Variants in GALNT14 observed in about 807,000 individuals in gnomAD.
The protein encoded by GALNT14 is polypeptide N-acetylgalactosaminyltransferase 14.
GALNT14 carries 60 observed loss-of-function variants against 77.5 expected under a neutral mutation model. The ratio of observed to expected loss-of-function variants is 0.77; its 90% confidence interval spans 0.63 to 0.96. The LOEUF is 0.96. Ranked by LOEUF, GALNT14 falls within the 40% of genes least tolerant of loss-of-function variation. The pLI is 0.00. For missense variants in GALNT14, 710 were observed against 731.0 expected (o/e 0.97, Z 0.33); for synonymous variants, 280 against 281.7 (o/e 0.99, Z 0.06).
Position 30,944,897 on chromosome 2 carries a change from T to C in GALNT14, c.788A>G (p.Glu263Gly). ...LHFQWEQLSP[E>G]QKARRLDPTE... Reference sequence around the variant, plus strand: ...GGGGTCCAGGCGCCGAGCCTTCTGCTCTGGGGAGAGCTGCTCCCACTGGAA... The same window carrying C: ...GGGGTCCAGGCGCCGAGCCTTCTGCCCTGGGGAGAGCTGCTCCCACTGGAA... Residue 263 changes from glutamate (E) to glycine (G), a missense_variant, in exon 8 of 15, where the codon GAG (glutamate) becomes GGG (glycine). Physicochemically the swap from Glu to Gly is moderately conservative, Grantham distance 98. Coordinates refer to ENST00000349752, the MANE Select transcript of GALNT14 (RefSeq NM_024572.4). 5.6e-6 allele frequency: 9 copies of C among 1,611,346 alleles called. No homozygotes were observed. Among genetic ancestry groups the C allele is most frequent in the Non-Finnish European group, 7.6e-6 (9 of 1,178,142 alleles).
intron 13 of GALNT14, among the ~76,000 whole-genome samples, chr2:30,915,982 T>C (rs999804695): frequency 1.1e-4 from 16 of 152,192 alleles, no homozygotes; most frequent in African/African-American, 3.1e-4. Flanking sequence ...ACAAGTTTTA[T>C]CAGGGGTCTG....
chr2:30,949,296 T>A (rs1035881627), intron 6 of GALNT14, among the ~76,000 whole-genome samples: 12 of 152,066 alleles, frequency 7.9e-5, no homozygotes, highest in South Asian at 2.1e-4. Flanking sequence ...TCTAAGGACA[T>A]TGTGTCAGTG....
intron 1 of GALNT14, among the ~76,000 whole-genome samples, chr2:30,998,992 C>G (rs73923346): frequency 0.032 from 4,808 of 152,308 alleles, 234 homozygotes; most frequent in African/African-American, 0.11. Flanking sequence ...GCTGAGAAAC[C>G]CTTCTCCTCC....
chr2:30,919,865 T>TA (rs922873770), intron 13 of GALNT14, among the ~76,000 whole-genome samples: 3 of 152,188 alleles, frequency 2.0e-5, no homozygotes, highest in African/African-American at 7.2e-5. Context: ...GAGCCTCCAT[T>TA]CATGCTCTTG....
chr2:30,912,269 C>T lies in GALNT14; in HGVS notation c.1454G>A (p.Gly485Asp). The T allele has an allele frequency of 6.2e-7, 1 of 1,614,174 alleles. No individual in the cohort carries two copies. The highest frequency in any genetic ancestry group is 8.5e-7 in the Non-Finnish European group (1 of 1,180,028). The change falls in exon 14 of 15, where the codon GGC becomes GAC. Residue 485 changes from glycine to aspartate, a missense_variant. Transcript: ENST00000349752. ...GCAAAGGACAAGAACCACTGGGGCG[C>T]CAGGGAACAAGGTGATGACTGACAG... ...LCLSVITLFPGAPVVLVLCKN... is the reference protein window; with the variant it reads ...LCLSVITLFPDAPVVLVLCKN...
rs747772932 is a variant in GALNT14 at position 31,137,938 on chromosome 2, C to A, written c.129+20G>T. 1.9e-6 allele frequency: 3 copies of A among 1,600,346 alleles called. No homozygotes were observed. The Admixed American group carries it at 5.2e-5, about 28-fold the overall frequency. On this transcript the variant is annotated intron_variant, in intron 1 of 14. Coordinates refer to ENST00000349752, the MANE Select transcript of GALNT14 (RefSeq NM_024572.4). ...CCCGCAAGCCACCGCTCAGCGCCAG[C>A]GCGCCGGCAAGCCGCCTACCTTAGG...
chr2:31,048,413 C>T (rs1168759719), intron 1 of GALNT14, among the ~76,000 whole-genome samples: 1 of 152,196 alleles, frequency 6.6e-6, no homozygotes, highest in Non-Finnish European at 1.5e-5. Flanking sequence ...AAAAGGAAGA[C>T]AGGGCTCTAC....
intron 1 of GALNT14, among the ~76,000 whole-genome samples, chr2:31,007,190 C>A (rs934532846): frequency 2.6e-5 from 4 of 152,170 alleles, no homozygotes; most frequent in Non-Finnish European, 4.4e-5. Flanking sequence ...ATGGCTGCCT[C>A]AACCAAGGGC....
At chr2:30,945,139 C>G (rs558554022) in intron 7 of GALNT14, among the ~76,000 whole-genome samples, 197 bp from the exon 8 acceptor site, 28 of 152,222 alleles carry the variant, frequency 1.8e-4, no homozygotes, top group Non-Finnish European at 3.1e-4. Flanking sequence ...CCTGTTCTTC[C>G]TCTACCCACT....
intron 1 of GALNT14, among the ~76,000 whole-genome samples, chr2:31,026,275 G>C (rs1449348918): frequency 6.6e-6 from 1 of 152,210 alleles, no homozygotes; most frequent in Non-Finnish European, 1.5e-5. Context: ...CCAAGTCTCT[G>C]AGGCCTTGTA....
the GALNT14 span, among the ~76,000 whole-genome samples, chr2:30,886,871 C>T: frequency 6.6e-6 from 1 of 152,152 alleles, no homozygotes; most frequent in African/African-American, 2.4e-5. Flanking sequence ...TTTCATCACC[C>T]CCAGAGAAAA....
chr2:31,086,291 A>G (rs1296644417), intron 1 of GALNT14, among the ~76,000 whole-genome samples: 1 of 152,160 alleles, frequency 6.6e-6, no homozygotes, highest in East Asian at 1.9e-4. Context: ...CTTTAATTAC[A>G]CAAGTCAGCA....
chr2:30,941,006 A>T (rs566436961), intron 9 of GALNT14, among the ~76,000 whole-genome samples: 14 of 152,326 alleles, frequency 9.2e-5, no homozygotes, highest in Admixed American at 2.6e-4. Context: ...AATTTCCAGG[A>T]AATAACTCTT....
At chr2:31,137,369 T>C (rs1471058820) in intron 1 of GALNT14, among the ~76,000 whole-genome samples, 2 of 152,228 alleles carry the variant, frequency 1.3e-5, no homozygotes, top group Non-Finnish European at 2.9e-5. Context: ...CGTCTGTTTT[T>C]ACAGGCTCTT....
intron 1 of GALNT14, among the ~76,000 whole-genome samples, chr2:31,011,275 G>A (rs1210764906): frequency 6.6e-6 from 1 of 152,188 alleles, no homozygotes; most frequent in African/African-American, 2.4e-5. Flanking sequence ...TCTGTGCCAG[G>A]CATACTTTTA....
chr2:30,929,433 G>A lies in GALNT14; in HGVS notation c.1113C>T (p.Tyr371=), dbSNP rs147474295. Residue 371 remains tyrosine (Y), a synonymous_variant, in exon 11 of 15, where the codon TAC becomes TAT. Transcript: ENST00000349752. ...TCTCCAGGGCGAATGGCCGGGCAGC[G>A]TAATAGTATTGCTTGTATTCATCCA... The part of the protein sequence containing the change: ...VWMDEYKQYY[Y]AARPFALERP... 70 of 1,614,144 alleles carry A rather than the reference G, an allele frequency of 4.3e-5. 1 individual carries two copies. Among genetic ancestry groups the A allele is most frequent in the East Asian group, 3.8e-4 (17 of 44,886 alleles).
At chr2:30,900,632 G>A in the GALNT14 span, among the ~76,000 whole-genome samples, 5 of 152,168 alleles carry the variant, frequency 3.3e-5, no homozygotes, top group Non-Finnish European at 5.9e-5. Flanking sequence ...GTCTGAGCTG[G>A]CACAGGGAGC....
intron 7 of GALNT14, among the ~76,000 whole-genome samples, chr2:30,945,322 T>G (rs929713788): frequency 6.6e-6 from 1 of 152,232 alleles, no homozygotes; most frequent in African/African-American, 2.4e-5. Flanking sequence ...TTAAACTACC[T>G]GAGTCACCTA....
intron 9 of GALNT14, among the ~76,000 whole-genome samples, chr2:30,932,541 G>A (rs1318396827): frequency 3.3e-5 from 5 of 152,198 alleles, no homozygotes; most frequent in African/African-American, 7.2e-5. Flanking sequence ...TCTAACTTGC[G>A]GAAGAATTCA....
Sources: allele counts gnomAD v4.1 joint callset (sites outside exome capture counted in the v4.1 genomes callset), GRCh38; gene constraint gnomAD v4.1.1; transcripts MANE v1.5; gene names NCBI Gene and HGNC (gene_info 2026-07-23, HGNC 2026-07-21).